Variants in MCOLN2 observed in about 807,000 individuals in gnomAD.
MCOLN2 encodes mucolipin-2.
In MCOLN2, 57 loss-of-function variants were observed where a neutral mutation model predicts 67.5. The observed-to-expected ratio is 0.84, with a 90% confidence interval of 0.68 to 1.05. MCOLN2 has a LOEUF of 1.05. MCOLN2 is among the 50% of genes least tolerant of loss of function. MCOLN2 has a pLI of 0.00. For synonymous variants in MCOLN2, 246 were observed against 233.3 expected, an observed-to-expected ratio of 1.05 and a Z score of -0.50; for missense variants, 620 against 678.8, an observed-to-expected ratio of 0.91 and a Z score of 0.96.
chr1:84,971,511 C>T (rs1649680921), intron 1 of MCOLN2, among the ~76,000 whole-genome samples: 1 of 140,736 alleles, frequency 7.1e-6, no homozygotes, highest in South Asian at 2.1e-4. Flanking sequence ...CACACACACA[C>T]ACACACACAC....
chr1:84,931,327 T>G (rs763042782), intron 12 of MCOLN2, 35 bp downstream of exon 12: 5 of 1,201,866 alleles, frequency 4.2e-6, no homozygotes, highest in Non-Finnish European at 6.1e-6. Flanking sequence ...GAATTTGCAG[T>G]GATTTTTTGG....
rs1291444077 is a variant in MCOLN2 at position 84,939,187 on chromosome 1, C to A, written c.1110+366G>T. 3.9e-5 allele frequency among the ~76,000 whole-genome samples: 6 copies of A among 152,186 alleles called. No homozygotes were observed. In the East Asian group the frequency reaches 1.2e-3, roughly 29 times the overall value. The stretch of plus-strand genomic sequence containing the variant: ...GGCAGTCTGACATTCCTGCCCTCAC[C>A]CCATCCGTCGGAGCACCCAATGGTC... On this transcript the variant is annotated intron_variant, in intron 9 of 13. Coordinates refer to ENST00000370608, the MANE Select transcript of MCOLN2 (RefSeq NM_153259.4).
At chr1:84,931,672 T>C in intron 11 of MCOLN2, 104 bp from the exon 12 acceptor site, 1 of 921,576 alleles carries the variant, frequency 1.1e-6, no homozygotes, top group Non-Finnish European at 1.7e-6. Context: ...ATTGTAGTAG[T>C]GGTAACTTAC....
At chr1:84,973,037 C>T (rs534220900) in intron 1 of MCOLN2, among the ~76,000 whole-genome samples, 15 of 152,146 alleles carry the variant, frequency 9.9e-5, no homozygotes, top group African/African-American at 2.6e-4. Flanking sequence ...TGCACAAGGA[C>T]GTATGCAAGA....
Position 84,929,553 on chromosome 1 carries a change from C to T in MCOLN2, c.1664+5G>A. ...AGGAGCATGGAGAATAAACATGATA[C>T]TGACCTCCTCCGACAGCAGATGCAG... is the stretch of plus-strand genomic sequence containing the variant. On this transcript the variant is annotated splice_donor_5th_base_variant and intron_variant, in intron 13 of 13. Coordinates refer to ENST00000370608, the MANE Select transcript of MCOLN2 (RefSeq NM_153259.4). 3.7e-6 allele frequency: 6 copies of T among 1,611,474 alleles called. No individual in the cohort carries two copies. Among genetic ancestry groups the T allele is most frequent in the Non-Finnish European group, 5.1e-6 (6 of 1,178,282 alleles).
At chr1:84,953,503 T>C (rs1011532053) in intron 4 of MCOLN2, among the ~76,000 whole-genome samples, 4 of 150,466 alleles carry the variant, frequency 2.7e-5, no homozygotes, top group East Asian at 2.0e-4. Context: ...TGAGCCAAGA[T>C]TGCGCCACTG....
intron 1 of MCOLN2, among the ~76,000 whole-genome samples, chr1:84,967,606 T>A (rs1277742492): frequency 6.6e-6 from 1 of 152,104 alleles, no homozygotes; most frequent in Non-Finnish European, 1.5e-5. Context: ...TTTTTAAATC[T>A]CCTGTTTCTA....
intron 1 of MCOLN2, among the ~76,000 whole-genome samples, chr1:84,979,857 T>C (rs1230869869): frequency 6.6e-6 from 1 of 152,108 alleles, no homozygotes; most frequent in Non-Finnish European, 1.5e-5. Context: ...ATAAAGGGTA[T>C]CCAAATTGGA....
At chr1:84,946,994 C>A in intron 7 of MCOLN2, 39 bp downstream of exon 7, 1 of 958,790 alleles carries the variant, frequency 1.0e-6, no homozygotes, top group South Asian at 1.4e-5. Flanking sequence ...TGTTAAAAAT[C>A]ATCTATAATT....
intron 7 of MCOLN2, among the ~76,000 whole-genome samples, chr1:84,944,469 G>T (rs571719734): frequency 2.7e-5 from 4 of 150,886 alleles, no homozygotes; most frequent in Non-Finnish European, 5.9e-5. Context: ...GGAGGTGGAG[G>T]TTGCAGTGAG....
chr1:84,973,795 C>A (rs2102869925), intron 1 of MCOLN2, among the ~76,000 whole-genome samples: 1 of 152,338 alleles, frequency 6.6e-6, no homozygotes, highest in East Asian at 1.9e-4. Context: ...ATCAATTTAA[C>A]AACTATCTAT....
At chr1:84,954,486 T>A (rs188683178) in intron 4 of MCOLN2, among the ~76,000 whole-genome samples, 6 of 152,212 alleles carry the variant, frequency 3.9e-5, no homozygotes, top group Admixed American at 6.5e-5. Flanking sequence ...AATTAATGCA[T>A]CATCTCATTT....
chr1:84,956,410 A>T, intron 4 of MCOLN2, 21 bp downstream of exon 4: 1 of 1,602,034 alleles, frequency 6.2e-7, no homozygotes, highest in Non-Finnish European at 8.5e-7. Context: ...AAGGTACATC[A>T]TGAAATTATC....
chr1:84,980,918 G>C (rs1268227868), intron 1 of MCOLN2, among the ~76,000 whole-genome samples: 1 of 152,110 alleles, frequency 6.6e-6, no homozygotes, highest in Non-Finnish European at 1.5e-5. Context: ...TTAACAGCCA[G>C]AACATATAAG....
At chr1:84,929,871 G>A in intron 12 of MCOLN2, 192 bp from the exon 13 acceptor site, 1 of 409,094 alleles carries the variant, frequency 2.4e-6, no homozygotes, top group South Asian at 4.9e-5. Context: ...TGTGGGAACA[G>A]AGAACAATCC....
chr1:84,988,418 T>C lies in MCOLN2; in HGVS notation c.77+8378A>G, dbSNP rs138452078. 3.3e-4 allele frequency among the ~76,000 whole-genome samples: 51 copies of C among 152,260 alleles called. 1 individual carries two copies. The East Asian group carries it at 6.2e-3, about 18-fold the overall frequency. On this transcript the variant is annotated intron_variant, in intron 1 of 13. Transcript: ENST00000370608. ...CCCCAAGACATTCTGATTTAATTAG[T>C]AGGATGACTGAACTGGGCATCAAGA...
At chr1:84,930,276 A>T (rs1164508350) in intron 12 of MCOLN2, among the ~76,000 whole-genome samples, 2 of 151,984 alleles carry the variant, frequency 1.3e-5, no homozygotes, top group Non-Finnish European at 2.9e-5. Context: ...TTTTAAAAAA[A>T]AAAAAAGTCT....
At chr1:84,977,130 AT>A (rs71292915) in intron 1 of MCOLN2, among the ~76,000 whole-genome samples, 1 of 151,432 alleles carries the variant, frequency 6.6e-6, no homozygotes, top group South Asian at 2.1e-4. Context: ...TTTATTAGTT[AT>A]TTTTTTTGCT....
chr1:84,984,694 A>G (rs1222395144), intron 1 of MCOLN2, among the ~76,000 whole-genome samples: 1 of 152,204 alleles, frequency 6.6e-6, no homozygotes, highest in African/African-American at 2.4e-5. Context: ...TTAATACCAA[A>G]GGATAAAATA....
Sources: gnomAD v4.1 joint callset for allele counts (sites outside exome capture counted in the v4.1 genomes callset) on GRCh38, gnomAD v4.1.1 for gene constraint, MANE v1.5 for transcripts, NCBI Gene and HGNC (gene_info 2026-07-23, HGNC 2026-07-21) for gene names.